ANK2: variants seen among roughly 807,000 people sequenced by gnomAD.
ANK2 encodes ankyrin 2.
A neutral mutation model predicts 360.5 loss-of-function variants in ANK2; 83 were observed. That is an observed-to-expected ratio of 0.23 (90% CI 0.19 to 0.28). The LOEUF is 0.28. Among genes scored for constraint, ANK2 ranks in the 10% least tolerant of loss-of-function variants. The pLI, the probability that ANK2 is intolerant of heterozygous loss-of-function variation, is 1.00. For synonymous variants in ANK2, 1,740 were observed against 1,759.5 expected (o/e 0.99, Z 0.28); for missense variants, 4,201 against 4,795.7 (o/e 0.88, Z 3.66).
the ANK2 span, among the ~76,000 whole-genome samples, chr4:112,784,350 ATTTTTTTTTTTT>A: frequency 2.0e-3 from 140 of 69,560 alleles, no homozygotes; most frequent in African/African-American, 5.5e-3. Context: ...ACCCTGACTG[ATTTTTTTTTTTT>A]TTTTTTTTTT....
intron 1 of ANK2, among the ~76,000 whole-genome samples, chr4:113,144,602 G>A (rs1300038959): frequency 6.6e-6 from 1 of 151,156 alleles, no homozygotes; most frequent in African/African-American, 2.4e-5. Context: ...TATAGCATGT[G>A]GATGGATAAT....
At chr4:113,207,706 A>G (rs1473075969) in intron 4 of ANK2, among the ~76,000 whole-genome samples, 1 of 139,854 alleles carries the variant, frequency 7.2e-6, no homozygotes, top group South Asian at 2.3e-4. Context: ...AAAAAAAAAA[A>G]GAAGAAGTAA....
At chr4:113,186,620 T>C (rs980964489) in intron 2 of ANK2, among the ~76,000 whole-genome samples, 14 of 145,196 alleles carry the variant, frequency 9.6e-5, no homozygotes, top group Admixed American at 1.4e-4. Flanking sequence ...TCACTCACTC[T>C]CTATCTCTGT....
chr4:112,719,643 G>A, the ANK2 span, among the ~76,000 whole-genome samples: 1,946 of 151,744 alleles, frequency 0.013, 22 homozygotes, highest in Non-Finnish European at 0.018. Flanking sequence ...CAGGAGAATG[G>A]CGTGAACCCA....
At chr4:113,167,102 T>G (rs777320063) in intron 1 of ANK2, among the ~76,000 whole-genome samples, 13 of 152,118 alleles carry the variant, frequency 8.5e-5, no homozygotes, top group Admixed American at 1.3e-4. Flanking sequence ...CATAATATAG[T>G]CTGCATTTAA....
chr4:113,362,735 G>A (rs940388029), intron 39 of ANK2, among the ~76,000 whole-genome samples: 1 of 152,148 alleles, frequency 6.6e-6, no homozygotes, highest in Admixed American at 6.6e-5. Flanking sequence ...ACAGGCATGA[G>A]CTACTGGGCC....
intron 15 of ANK2, among the ~76,000 whole-genome samples, chr4:113,276,090 C>T (rs1485862136): frequency 6.6e-6 from 1 of 151,888 alleles, no homozygotes; most frequent in East Asian, 1.9e-4. Context: ...TACAGGTGCC[C>T]TCCACCACAC....
At chr4:113,123,327 C>T (rs1472092452) in intron 1 of ANK2, among the ~76,000 whole-genome samples, 2 of 151,942 alleles carry the variant, frequency 1.3e-5, no homozygotes, top group East Asian at 3.8e-4. Context: ...ATCATGAATA[C>T]AGAAAATATT....
intron 2 of ANK2, among the ~76,000 whole-genome samples, chr4:112,981,703 G>T (rs2043167337): frequency 6.6e-6 from 1 of 152,158 alleles, no homozygotes; most frequent in African/African-American, 2.4e-5. Flanking sequence ...ACCTAAGGAA[G>T]AAGCATAGGA....
chr4:112,783,852 T>C, the ANK2 span, among the ~76,000 whole-genome samples: 5 of 151,930 alleles, frequency 3.3e-5, no homozygotes, highest in Non-Finnish European at 7.4e-5. Flanking sequence ...GGTTTCACCA[T>C]GTTAGCCAGG....
chr4:113,327,523 T>C (rs1226115593), intron 26 of ANK2, among the ~76,000 whole-genome samples: 6 of 152,234 alleles, frequency 3.9e-5, no homozygotes, highest in African/African-American at 1.4e-4. Context: ...CTTGCCCTTT[T>C]CACTAGGTTG....
intron 1 of ANK2, among the ~76,000 whole-genome samples, chr4:113,096,505 A>G (rs1029344800): frequency 6.6e-6 from 1 of 152,160 alleles, no homozygotes; most frequent in Non-Finnish European, 1.5e-5. Flanking sequence ...AGCTGTAACC[A>G]TCATGTCCAG....
At chr4:113,372,659 A>G in intron 43 of ANK2, 1 of 1,413,066 alleles carries the variant, frequency 7.1e-7, no homozygotes, top group Admixed American at 2.0e-5. Context: ...CGTCAGGGAC[A>G]GTCCTGTCCC....
intron 1 of ANK2, among the ~76,000 whole-genome samples, chr4:113,173,296 C>T (rs978665196): frequency 6.6e-6 from 1 of 152,158 alleles, no homozygotes; most frequent in African/African-American, 2.4e-5. Context: ...TACATCACCA[C>T]AGATCATAAT....
At chr4:113,348,541 T>G (rs984186266) in intron 36 of ANK2, among the ~76,000 whole-genome samples, 5 of 152,140 alleles carry the variant, frequency 3.3e-5, no homozygotes, top group South Asian at 2.1e-4. Flanking sequence ...AATACTATAT[T>G]TTTCCACCAA....
chr4:112,706,389 A>G, the ANK2 span, among the ~76,000 whole-genome samples: 6 of 151,964 alleles, frequency 3.9e-5, no homozygotes, highest in African/African-American at 1.4e-4. Flanking sequence ...TCTCAGTCTC[A>G]CTTCACACAC....
At chr4:112,939,295 TC>T in intron 2 of ANK2, among the ~76,000 whole-genome samples, 1 of 152,108 alleles carries the variant, frequency 6.6e-6, no homozygotes, top group Admixed American at 6.6e-5. Flanking sequence ...AATAGTTCAT[TC>T]TTTCTTTCTT....
intron 45 of ANK2, among the ~76,000 whole-genome samples, chr4:113,374,144 G>A (rs995247255): frequency 1.3e-5 from 2 of 152,062 alleles, no homozygotes; most frequent in Non-Finnish European, 2.9e-5. Flanking sequence ...GGCTGGTCTC[G>A]AACTCCTGAC....
intron 1 of ANK2, among the ~76,000 whole-genome samples, chr4:113,097,811 C>T (rs2091705448): frequency 6.7e-6 from 1 of 148,234 alleles, no homozygotes; most frequent in African/African-American, 2.5e-5. Flanking sequence ...CCCAAAATAG[C>T]TATAGATAAA....
Sources: allele counts gnomAD v4.1 joint callset (sites outside exome capture counted in the v4.1 genomes callset), GRCh38; gene constraint gnomAD v4.1.1; transcripts MANE v1.5; gene names NCBI Gene and HGNC (gene_info 2026-07-23, HGNC 2026-07-21).